The following ENAH variants were observed in gnomAD, a reference collection of about 807,000 sequenced individuals.
ENAH encodes ENAH actin regulator.
ENAH carries 23 observed loss-of-function variants against 78.7 expected under a neutral mutation model. The ratio of observed to expected loss-of-function variants is 0.29; its 90% CI spans 0.21 to 0.41. The LOEUF is 0.41. Ranked by LOEUF, ENAH falls within the 10% of genes least tolerant of loss-of-function variation. The probability of loss-of-function intolerance (pLI) is 1.00; values close to 1 mark genes in which losing one functional copy is unlikely to be tolerated. For synonymous variants in ENAH, 226 were observed against 241.0 expected (o/e 0.94, Z 0.58); for missense variants, 544 against 691.0 (o/e 0.79, Z 2.39).
intron 1 of ENAH, among the ~76,000 whole-genome samples, chr1:225,595,427 C>T (rs1461850048): frequency 3.9e-5 from 6 of 152,062 alleles, no homozygotes; most frequent in African/African-American, 1.4e-4. Context: ...ACTCTAATTG[C>T]TATCAAAATG....
chr1:225,653,700 C>T (rs1270013890), upstream of ENAH, among the ~76,000 whole-genome samples: 1 of 152,202 alleles, frequency 6.6e-6, no homozygotes, highest in Non-Finnish European at 1.5e-5. The surrounding 1 kb of genome is among the most constrained non-coding windows in gnomAD (Gnocchi z 4.3). Flanking sequence ...GGGGCGAGTG[C>T]TCAGCCCGCC....
chr1:225,508,089 A>G, intron 10 of ENAH, 72 bp from the exon 11 acceptor site: 2 of 971,242 alleles, frequency 2.1e-6, no homozygotes, highest in East Asian at 2.7e-5. Flanking sequence ...AAATAACAAA[A>G]TACTAAATCT....
chr1:225,488,486 T>C lies in ENAH; in HGVS notation c.*9289A>G, dbSNP rs2096209024. 1 of 152,068 alleles carries C rather than the reference T, an allele frequency of 6.6e-6. No individual in the cohort carries two copies. Among genetic ancestry groups the C allele is most frequent in the African/African-American group, 2.4e-5 (1 of 41,410 alleles). 9.4% of individuals were successfully genotyped at this position (152,068 alleles called of 1,614,324 possible). A position where few individuals can be genotyped will look rare whatever the true frequency, so the allele number is the denominator to read the frequency against. ...AATAGGGACTTTCAGGATGCTCCTATAAATACAGACTCCAGAGAGGTTTCC... is the reference window on the plus strand; with the variant it reads ...AATAGGGACTTTCAGGATGCTCCTACAAATACAGACTCCAGAGAGGTTTCC... On this transcript the variant is annotated 3_prime_UTR_variant, in exon 14 of 14. Coordinates refer to ENST00000366843, the MANE Select transcript of ENAH (RefSeq NM_018212.6).
intron 11 of ENAH, among the ~76,000 whole-genome samples, chr1:225,506,666 A>G (rs560425110): frequency 6.6e-6 from 1 of 152,182 alleles, no homozygotes; most frequent in Non-Finnish European, 1.5e-5. Context: ...CCTTTCTTCT[A>G]AAGTAAAATA....
intron 1 of ENAH, among the ~76,000 whole-genome samples, chr1:225,651,201 G>A (rs1662932227): frequency 6.6e-6 from 1 of 151,960 alleles, no homozygotes; most frequent in South Asian, 2.1e-4. Context: ...TAACTTGTGT[G>A]AAATCATCAA....
chr1:225,617,980 GGAAGCTCTCT>G (rs1218458893), intron 1 of ENAH, among the ~76,000 whole-genome samples: 3 of 152,124 alleles, frequency 2.0e-5, no homozygotes, highest in African/African-American at 7.2e-5. Context: ...ATTCTTTCAA[GGAAGCTCTCT>G]TAAAAGAGGA....
intron 1 of ENAH, among the ~76,000 whole-genome samples, chr1:225,609,985 A>G (rs1166317108): frequency 2.6e-5 from 4 of 152,012 alleles, no homozygotes; most frequent in African/African-American, 9.7e-5. Flanking sequence ...TTAGCCTTGT[A>G]AAACTACATG....
rs926404055 is a variant in ENAH, at chr1:225,487,471, G to A, written c.*10304C>T. 1 of 152,172 alleles carries A rather than the reference G, an allele frequency of 6.6e-6. No individual in the cohort carries two copies. The highest frequency in any genetic ancestry group is 2.1e-4 in the South Asian group (1 of 4,824). 9.4% of individuals were successfully genotyped at this position (152,172 alleles called of 1,614,324 possible). On this transcript the variant is annotated 3_prime_UTR_variant, in exon 14 of 14. Coordinates refer to ENST00000366843, the MANE Select transcript of ENAH (RefSeq NM_018212.6). ...AGCAAGCAGGAGCTTATAGTATGTT[G>A]ATTTAAAACAAGTTGTTACCAGTTT...
At chr1:225,636,881 CA>C (rs1315457048) in intron 1 of ENAH, among the ~76,000 whole-genome samples, 1 of 151,602 alleles carries the variant, frequency 6.6e-6, no homozygotes, top group Non-Finnish European at 1.5e-5. Flanking sequence ...AGCTAGTCGA[CA>C]AAAACTATGA....
At chr1:225,605,084 T>C (rs545266367) in intron 1 of ENAH, among the ~76,000 whole-genome samples, 1 of 152,288 alleles carries the variant, frequency 6.6e-6, no homozygotes, top group East Asian at 1.9e-4. Flanking sequence ...TTAAAGCATG[T>C]AAAATGTTAA....
chr1:225,497,765 G>A lies in ENAH; in HGVS notation c.*10C>T, dbSNP rs375000868. On this transcript the variant is annotated 3_prime_UTR_variant, in exon 14 of 14. Transcript: ENST00000366843. ...CAGATTAAAGTCCTATCTCTCCTTA[G>A]TCTGTTCCTCTATGCAGTATTTGAC... 3.7e-6 allele frequency: 6 copies of A among 1,610,378 alleles called. No individual in the cohort carries two copies. Among genetic ancestry groups the A allele is most frequent in the Non-Finnish European group, 4.2e-6 (5 of 1,178,030 alleles).
rs903977799 is a variant in ENAH, at chr1:225,527,389, T to G, written c.434+3165A>C. ...TAAATTTTGGAAATATAATTTCTAC[T>G]GGGAACCAAACTTCACACTAGACTG... On this transcript the variant is annotated intron_variant, in intron 4 of 13. Transcript: ENST00000366843. Among the ~76,000 whole-genome samples the G allele has an allele frequency of 2.0e-5, 3 of 152,334 alleles. No homozygotes were observed. The East Asian group carries it at 5.8e-4, about 29-fold the overall frequency.
chr1:225,497,687 A>C lies in ENAH; in HGVS notation c.*88T>G, dbSNP rs1171628516. 4 of 1,334,346 alleles carry C rather than the reference A, an allele frequency of 3.0e-6. No homozygotes were observed. In the Admixed American group the frequency reaches 7.5e-5, roughly 25 times the overall value. 82.7% of individuals were successfully genotyped at this position (1,334,346 alleles called of 1,614,324 possible). A position where few individuals can be genotyped will look rare whatever the true frequency, so the allele number is the denominator to read the frequency against. On this transcript the variant is annotated 3_prime_UTR_variant, in exon 14 of 14. Coordinates refer to ENST00000366843, the MANE Select transcript of ENAH (RefSeq NM_018212.6). Reference sequence around the variant, plus strand: ...CTCCATTTTCTTCTTACAGCTCATAAATGTAGGGGTTTGCTGTTGTGAACA... The same window carrying C: ...CTCCATTTTCTTCTTACAGCTCATACATGTAGGGGTTTGCTGTTGTGAACA...
At position 225,512,943 on chromosome 1, in the gene ENAH, C is replaced by A. The variant is rs776563307; in HGVS notation, c.1292G>T (p.Gly431Val). The change falls in exon 8 of 14, where the codon GGC (glycine) becomes GTC (valine). Residue 431 changes from glycine (G) to valine (V), a missense_variant. Around this residue, in one of 4 missense-constraint regions of ENAH, gnomAD observed 366 missense variants for 396.1 expected, o/e 0.92. Transcript: ENST00000366843. ...TAAAGGAAGGGGTCCATTTCCACGG[C>A]CTGTATCTGTTTTAGATGAGGCGGA... ...VNSASSKTDT[G>V]RGNGPLPLGG... is the part of the protein sequence containing the mutation. 5.0e-6 allele frequency: 8 copies of A among 1,613,988 alleles called. No homozygotes were observed. In the East Asian group the frequency reaches 1.8e-4, roughly 36 times the overall value.
chr1:225,503,053 T>G (rs551884607), intron 11 of ENAH, among the ~76,000 whole-genome samples: 1 of 152,330 alleles, frequency 6.6e-6, no homozygotes, highest in South Asian at 2.1e-4. Context: ...ATTATTGTTA[T>G]GTAATAAACA....
chr1:225,508,098 C>T, intron 10 of ENAH, 81 bp from the exon 11 acceptor site: 2 of 819,180 alleles, frequency 2.4e-6, no homozygotes, highest in Non-Finnish European at 3.7e-6. Flanking sequence ...AATACTAAAT[C>T]TCATTATACC....
rs1221413086 is a variant in ENAH at position 225,652,796 on chromosome 1, G to A, written c.-106C>T. On this transcript the variant is annotated 5_prime_UTR_variant, in exon 1 of 14. Coordinates refer to ENST00000366843, the MANE Select transcript of ENAH (RefSeq NM_018212.6). Reference sequence around the variant, plus strand: ...GGTGGGGAGCAGCTCGGAGACGGGAGACAAGTGTCCGGCTCCTCCTTCGGC... The same window carrying A: ...GGTGGGGAGCAGCTCGGAGACGGGAAACAAGTGTCCGGCTCCTCCTTCGGC... 3.7e-5 allele frequency: 36 copies of A among 982,636 alleles called. No homozygotes were observed. Among genetic ancestry groups the A allele is most frequent in the Non-Finnish European group, 4.8e-5 (36 of 747,936 alleles). 60.9% of individuals were successfully genotyped at this position (982,636 alleles called of 1,614,324 possible).
intron 1 of ENAH, among the ~76,000 whole-genome samples, chr1:225,595,941 A>G (rs2096899824): frequency 6.6e-6 from 1 of 152,218 alleles, no homozygotes; most frequent in African/African-American, 2.4e-5. Flanking sequence ...AATGTCTGCA[A>G]CTGAACTTAA....
At chr1:225,636,647 C>T (rs1402448066) in intron 1 of ENAH, among the ~76,000 whole-genome samples, 1 of 152,108 alleles carries the variant, frequency 6.6e-6, no homozygotes, top group Admixed American at 6.5e-5. Flanking sequence ...AATTTGAGAC[C>T]AACCTGGGCA....
Sources: allele counts gnomAD v4.1 joint callset (sites outside exome capture counted in the v4.1 genomes callset), GRCh38; gene constraint gnomAD v4.1.1; regional missense constraint gnomAD v4.1.1; non-coding constraint Gnocchi (gnomAD v3.1); transcripts MANE v1.5; gene names NCBI Gene and HGNC (gene_info 2026-07-23, HGNC 2026-07-21).